Variants in NRG1 observed in about 807,000 individuals in gnomAD.
NRG1 encodes neuregulin 1.
Under a neutral mutation model 63.8 loss-of-function variants are expected in NRG1, and 18 were observed. The ratio of observed to expected loss-of-function variants is 0.28; its 90% CI spans 0.19 to 0.42. NRG1 has a LOEUF of 0.42. NRG1 is among the 10% of genes least tolerant of loss of function. The pLI, the probability that NRG1 is intolerant of heterozygous loss-of-function variation, is 1.00. For synonymous variants in NRG1, 302 were observed against 301.3 expected, an observed-to-expected ratio of 1.00 and a Z score of -0.02; for missense variants, 762 against 814.7, an observed-to-expected ratio of 0.94 and a Z score of 0.79.
chr8:31,921,898 G>T (rs558468096), intron 1 of NRG1, among the ~76,000 whole-genome samples: 4 of 152,150 alleles, frequency 2.6e-5, no homozygotes, highest in East Asian at 3.9e-4. Context: ...CTCTATATGA[G>T]ACTTTGTTAA....
intron 1 of NRG1, among the ~76,000 whole-genome samples, chr8:32,403,154 C>G (rs1402641814): frequency 6.6e-6 from 1 of 151,876 alleles, no homozygotes; most frequent in Non-Finnish European, 1.5e-5. Context: ...TAAAAATTAG[C>G]CAGGCACAGT....
chr8:31,851,153 A>G (rs1025220733), intron 1 of NRG1, among the ~76,000 whole-genome samples: 13 of 152,236 alleles, frequency 8.5e-5, no homozygotes, highest in African/African-American at 1.4e-4. Context: ...ATTCCACATG[A>G]TGTTGACAAA....
chr8:32,090,861 C>T (rs1049823865), intron 1 of NRG1, among the ~76,000 whole-genome samples: 1 of 152,234 alleles, frequency 6.6e-6, no homozygotes, highest in Non-Finnish European at 1.5e-5. Flanking sequence ...CCATACTCTA[C>T]ATTAGTCACT....
At chr8:31,835,304 A>G (rs1280590579) in intron 1 of NRG1, among the ~76,000 whole-genome samples, 4 of 152,344 alleles carry the variant, frequency 2.6e-5, no homozygotes, top group East Asian at 3.9e-4. Context: ...ACTAATTCTC[A>G]TTCATTCTGT....
chr8:31,920,839 A>G (rs1833835220), intron 1 of NRG1, among the ~76,000 whole-genome samples: 1 of 151,996 alleles, frequency 6.6e-6, no homozygotes, highest in Non-Finnish European at 1.5e-5. Flanking sequence ...ATGTAAAAAT[A>G]AACTTTTTTA....
intron 1 of NRG1, among the ~76,000 whole-genome samples, chr8:32,512,025 G>A (rs949994218): frequency 6.6e-5 from 10 of 152,030 alleles, no homozygotes; most frequent in African/African-American, 2.4e-4. Context: ...GCTATAATGT[G>A]ATCATGGGTC....
chr8:32,748,487 AT>A (rs954943853), intron 7 of NRG1, among the ~76,000 whole-genome samples: 1 of 151,116 alleles, frequency 6.6e-6, no homozygotes, highest in African/African-American at 2.4e-5. Context: ...GAGATTTTTT[AT>A]TTTTTTTATT....
intron 6 of NRG1, among the ~76,000 whole-genome samples, chr8:32,735,917 T>G (rs370978329): frequency 3.5e-4 from 53 of 152,252 alleles, no homozygotes; most frequent in African/African-American, 8.7e-4. Flanking sequence ...GGTTTGGTTT[T>G]GTTTTTTTCT....
At chr8:31,846,873 T>C (rs1826738633) in intron 1 of NRG1, among the ~76,000 whole-genome samples, 1 of 152,198 alleles carries the variant, frequency 6.6e-6, no homozygotes, top group South Asian at 2.1e-4. Context: ...TTAGTGAATA[T>C]GTATTGACTG....
At chr8:32,155,620 A>G (rs1837975462) in intron 1 of NRG1, among the ~76,000 whole-genome samples, 2 of 152,230 alleles carry the variant, frequency 1.3e-5, no homozygotes, top group Admixed American at 6.5e-5. Context: ...ATTATCAAAC[A>G]CTGCATTGAC....
chr8:31,961,161 A>T (rs1805389849), intron 1 of NRG1, among the ~76,000 whole-genome samples: 1 of 152,180 alleles, frequency 6.6e-6, no homozygotes, highest in South Asian at 2.1e-4. Context: ...ATTGGTTGAG[A>T]GGTGCAGACT....
At chr8:32,376,861 A>T (rs1809697559) in intron 1 of NRG1, among the ~76,000 whole-genome samples, 1 of 152,222 alleles carries the variant, frequency 6.6e-6, no homozygotes, top group South Asian at 2.1e-4. Context: ...AAAACAAAAA[A>T]AGTCCAAATT....
intron 7 of NRG1, chr8:32,748,843 C>G (rs1828090289): frequency 3.0e-6 from 1 of 333,368 alleles, no homozygotes; most frequent in Admixed American, 4.1e-5. Flanking sequence ...ATGAGAAAAA[C>G]TAGAAGGAGT....
chr8:32,699,813 T>C (rs1364642657), intron 5 of NRG1, among the ~76,000 whole-genome samples: 1 of 152,136 alleles, frequency 6.6e-6, no homozygotes, highest in African/African-American at 2.4e-5. Flanking sequence ...AATGTAGAGG[T>C]CCGGCTGTGA....
At chr8:32,377,494 T>C (rs1276699990) in intron 1 of NRG1, among the ~76,000 whole-genome samples, 1 of 152,186 alleles carries the variant, frequency 6.6e-6, no homozygotes, top group Non-Finnish European at 1.5e-5. Context: ...AGGCTGTTTT[T>C]TTCTATCAAT....
intron 8 of NRG1, among the ~76,000 whole-genome samples, chr8:32,755,402 T>C (rs1829492584): frequency 6.6e-6 from 1 of 152,162 alleles, no homozygotes; most frequent in African/African-American, 2.4e-5. Context: ...AATAATATGC[T>C]TTTATGCCAC....
intron 1 of NRG1, among the ~76,000 whole-genome samples, chr8:31,983,207 C>T (rs1328664289): frequency 6.6e-6 from 1 of 152,060 alleles, no homozygotes; most frequent in African/African-American, 2.4e-5. Context: ...CTGAAAACAT[C>T]CCTAGAGAGA....
chr8:32,311,218 G>A (rs1856772542), intron 1 of NRG1, among the ~76,000 whole-genome samples: 1 of 152,168 alleles, frequency 6.6e-6, no homozygotes, highest in African/African-American at 2.4e-5. Context: ...ATAAGGTGGT[G>A]AACAAGACAG....
intron 1 of NRG1, among the ~76,000 whole-genome samples, chr8:31,830,818 G>C (rs1184400188): frequency 6.6e-6 from 1 of 152,104 alleles, no homozygotes; most frequent in Admixed American, 6.5e-5. Flanking sequence ...AATGTGATTA[G>C]GTCATATGCC....
Sources: allele counts gnomAD v4.1 joint callset (sites outside exome capture counted in the v4.1 genomes callset), GRCh38; gene constraint gnomAD v4.1.1; transcripts MANE v1.5; gene names NCBI Gene and HGNC (gene_info 2026-07-23, HGNC 2026-07-21).